Variants in LOXL4 observed in about 807,000 individuals in gnomAD.
The protein encoded by LOXL4 is lysyl oxidase homolog 4.
In LOXL4, 72 loss-of-function variants were observed where a neutral mutation model predicts 89.1. That is an observed-to-expected ratio of 0.81 (90% CI 0.67 to 0.98). LOXL4 has a LOEUF of 0.98. Among genes scored for constraint, LOXL4 ranks in the 50% least tolerant of loss-of-function variants. The pLI is 0.00. For missense variants in LOXL4, 984 were observed against 1,017.5 expected (o/e 0.97, Z 0.45); for synonymous variants, 355 against 392.1 (o/e 0.91, Z 1.12).
In LOXL4 at chr10:98,263,032, G is replaced by T; in HGVS notation, c.-13C>A. On this transcript the variant is annotated 5_prime_UTR_variant, in exon 2 of 15. Coordinates refer to ENST00000260702, the MANE Select transcript of LOXL4 (RefSeq NM_032211.7). ...GGGACCACGCCATGGTGACTTCAAG[G>T]ACAGCTGAGGCCAAGATACCTGAGG... 1 of 1,610,712 alleles carries T rather than the reference G, an allele frequency of 6.2e-7. No homozygotes were observed. The highest frequency in any genetic ancestry group is 1.1e-5 in the South Asian group (1 of 90,984).
intron 4 of LOXL4, among the ~76,000 whole-genome samples, chr10:98,260,487 G>A (rs530542411): frequency 6.6e-6 from 1 of 151,156 alleles, no homozygotes; most frequent in African/African-American, 2.4e-5. Context: ...GGGTGGGGGG[G>A]CGTTCTGTAC....
chr10:98,253,857 C>T, intron 10 of LOXL4, 61 bp from the exon 11 acceptor site: 1 of 1,603,384 alleles, frequency 6.2e-7, no homozygotes, highest in Non-Finnish European at 8.5e-7. Flanking sequence ...GTCTTAGTCT[C>T]CAGCACAGAG....
At chr10:98,265,987 G>A (rs536349235) in intron 1 of LOXL4, among the ~76,000 whole-genome samples, 1 of 152,136 alleles carries the variant, frequency 6.6e-6, no homozygotes. Context: ...TTCCTTTCCA[G>A]ACTGAAACAC....
chr10:98,256,621 A>G (rs908292293), intron 9 of LOXL4, 159 bp downstream of exon 9: 14 of 748,182 alleles, frequency 1.9e-5, no homozygotes, highest in Non-Finnish European at 2.8e-5. Flanking sequence ...CTTCTTGTTT[A>G]CCACACTGTT....
chr10:98,250,067 A>G lies in LOXL4; in HGVS notation c.2200+998T>C, dbSNP rs149120201. On this transcript the variant is annotated intron_variant, in intron 14 of 14. Transcript: ENST00000260702. ...CTCTAGTACTTAGTAAGTTTGAAGT[A>G]TACAGCCCCATTTTACAAAACAGAA... is the stretch of plus-strand genomic sequence containing the variant. Among the ~76,000 whole-genome samples the G allele has an allele frequency of 4.4e-3, 663 of 152,314 alleles. 11 individuals are homozygous for G. The highest frequency in any genetic ancestry group is 0.015 in the African/African-American group (642 of 41,556).
At position 98,252,385 on chromosome 10, in the gene LOXL4, C is replaced by T. The variant is rs779483867; in HGVS notation, c.1919G>A (p.Ser640Asn). 1 of 1,614,110 alleles carries T rather than the reference C, an allele frequency of 6.2e-7. No homozygotes were observed. The highest frequency in any genetic ancestry group is 8.5e-7 in the Non-Finnish European group (1 of 1,179,974). The stretch of plus-strand genomic sequence containing the variant: ...GCAGTTTGTGTCCTCCAGACAGAAG[C>T]TGGCCTTGTGCCCCTCAGCCACCTT... ...GSKVAEGHKA[S>N]FCLEDTNCPT... The change falls in exon 12 of 15, where the codon AGC (serine) becomes AAC (asparagine). Residue 640 changes from serine to asparagine, a missense_variant. Ser to Asn is a conservative substitution (Grantham distance 46). Coordinates refer to ENST00000260702, the MANE Select transcript of LOXL4 (RefSeq NM_032211.7).
chr10:98,254,904 T>G (rs929783979), intron 10 of LOXL4, among the ~76,000 whole-genome samples: 1 of 152,132 alleles, frequency 6.6e-6, no homozygotes, highest in Non-Finnish European at 1.5e-5. Flanking sequence ...ATGAAGGATA[T>G]CTTGGTGTCG....
intron 10 of LOXL4, 110 bp downstream of exon 10, chr10:98,255,467 T>G (rs1858331014): frequency 8.0e-7 from 1 of 1,254,266 alleles, no homozygotes; most frequent in Non-Finnish European, 1.1e-6. Flanking sequence ...AGCTGGTACT[T>G]TCATTCCCCC....
At chr10:98,265,489 C>T (rs575682570) in intron 1 of LOXL4, among the ~76,000 whole-genome samples, 4 of 113,118 alleles carry the variant, frequency 3.5e-5, no homozygotes, top group Middle Eastern at 4.5e-3. Context: ...CTGCAACCTC[C>T]GCCTCCAGGG....
At chr10:98,255,392 G>T (rs182622076) in intron 10 of LOXL4, among the ~76,000 whole-genome samples, 185 bp downstream of exon 10, 252 of 152,250 alleles carry the variant, frequency 1.7e-3, no homozygotes, top group Non-Finnish European at 2.5e-3. Context: ...CAATAACTCC[G>T]TGAGGGGGCA....
Position 98,248,976 on chromosome 10 carries a change from G to A in LOXL4, c.2216C>T (p.Ala739Val), listed in dbSNP as rs750169206. 1 of 1,613,870 alleles carries A rather than the reference G, an allele frequency of 6.2e-7. No homozygotes were observed. The highest frequency in any genetic ancestry group is 8.5e-7 in the Non-Finnish European group (1 of 1,179,906). Residue 739 changes from alanine to valine, a missense_variant, in exon 15 of 15, where the codon GCC becomes GTC. Transcript: ENST00000260702. ...HNCHTGNSYP[A>V]NAELSLEQEQ... The stretch of plus-strand genomic sequence containing the variant: ...CTGCTCCAGGGAGAGTTCTGCATTG[G>A]CTGGGTATGAATTCCCTGTGGGCCA...
Position 98,247,878 on chromosome 10 carries a change from C to G in LOXL4, c.*1043G>C, listed in dbSNP as rs1858081466. 1 of 152,224 alleles carries G rather than the reference C, an allele frequency of 6.6e-6. No homozygotes were observed. The highest frequency in any genetic ancestry group is 2.1e-4 in the South Asian group (1 of 4,828). The allele number at this position is 152,224 out of a possible 1,614,324, so 9.4% of individuals were successfully genotyped here. On this transcript the variant is annotated 3_prime_UTR_variant, in exon 15 of 15. Coordinates refer to ENST00000260702, the MANE Select transcript of LOXL4 (RefSeq NM_032211.7). ...CAGGAATGGTGGCCTTTCCCAGGTTCCATCCTTAACTAAACTGACTGTTCC... is the reference window on the plus strand; with the variant it reads ...CAGGAATGGTGGCCTTTCCCAGGTTGCATCCTTAACTAAACTGACTGTTCC...
rs143710853 is a variant in LOXL4 at position 98,249,169 on chromosome 10, A to G, written c.2201-178T>C. ...ACAGGTGTGTGGTTTCAGGAACATC[A>G]GGAAGAACAGGCTATTGATTGGAAA... On this transcript the variant is annotated intron_variant, in intron 14 of 14. Transcript: ENST00000260702. 4.8e-3 allele frequency among the ~76,000 whole-genome samples: 731 copies of G among 152,354 alleles called. 3 individuals are homozygous for G. Among genetic ancestry groups the G allele is most frequent in the Middle Eastern group, 0.01 (3 of 294 alleles).
intron 1 of LOXL4, among the ~76,000 whole-genome samples, chr10:98,265,945 C>G (rs1219597990): frequency 6.6e-6 from 1 of 152,222 alleles, no homozygotes; most frequent in Admixed American, 6.5e-5. Context: ...ATTCTCACCT[C>G]TGCAGCTCTC....
Position 98,248,939 on chromosome 10 carries a change from G to A in LOXL4, c.2253C>T (p.Leu751=). The change falls in exon 15 of 15, where the codon CTC becomes CTT. Residue 751 remains leucine (L), a synonymous_variant. Coordinates refer to ENST00000260702, the MANE Select transcript of LOXL4 (RefSeq NM_032211.7). ...AELSLEQEQR[L]RNNLI The stretch of plus-strand genomic sequence containing the variant: ...GACAGCTTCAGATGAGGTTGTTCCT[G>A]AGACGCTGTTCCTGCTCCAGGGAGA... 1 of 1,613,866 alleles carries A rather than the reference G, an allele frequency of 6.2e-7. No individual in the cohort carries two copies. The highest frequency in any genetic ancestry group is 8.5e-7 in the Non-Finnish European group (1 of 1,179,906).
intron 9 of LOXL4, 25 bp downstream of exon 9, chr10:98,256,755 C>T (rs369794919): frequency 2.9e-5 from 47 of 1,613,422 alleles, no homozygotes; most frequent in Admixed American, 2.3e-4. Flanking sequence ...AGAGGTCATA[C>T]GGAAGAAACA....
At chr10:98,255,308 T>C (rs980451250) in intron 10 of LOXL4, among the ~76,000 whole-genome samples, 2 of 152,254 alleles carry the variant, frequency 1.3e-5, no homozygotes, top group Middle Eastern at 6.3e-3. Context: ...TTTGTAACTG[T>C]TGGTCATAAC....
intron 1 of LOXL4, 91 bp from the exon 2 acceptor site, chr10:98,263,142 AAAG>A: frequency 1.0e-6 from 1 of 1,001,432 alleles, no homozygotes; most frequent in Non-Finnish European, 1.4e-6. Context: ...AAGACAAAGG[AAAG>A]AAAACCCCCC....
chr10:98,253,744 C>G lies in LOXL4; in HGVS notation c.1644G>C (p.Leu548Phe). The G allele has an allele frequency of 1.2e-6, 2 of 1,614,174 alleles. No homozygotes were observed. Among genetic ancestry groups the G allele is most frequent in the Non-Finnish European group, 1.7e-6 (2 of 1,180,022 alleles). The stretch of plus-strand genomic sequence containing the variant: ...ACAGCTGGCTGAGCGGGCGGTCCTC[C>G]AAGTAGGCCGTCTCCTGCACTAGCT... Reference protein sequence around the residue: ...NAQLVQETAYLEDRPLSQLYC... With the variant: ...NAQLVQETAYFEDRPLSQLYC... The change falls in exon 11 of 15, where the codon TTG becomes TTC. Residue 548 changes from leucine to phenylalanine, a missense_variant. Coordinates refer to ENST00000260702, the MANE Select transcript of LOXL4 (RefSeq NM_032211.7).
Sources: gnomAD v4.1 joint callset for allele counts (sites outside exome capture counted in the v4.1 genomes callset) on GRCh38, gnomAD v4.1.1 for gene constraint, MANE v1.5 for transcripts, NCBI Gene and HGNC (gene_info 2026-07-23, HGNC 2026-07-21) for gene names.